AHCTF1: variants seen among roughly 807,000 people sequenced by gnomAD.
AHCTF1 encodes the protein protein ELYS.
AHCTF1 carries 24 observed loss-of-function variants against 248.4 expected under a neutral mutation model. That is an observed-to-expected ratio of 0.10 (90% CI 0.07 to 0.14). The LOEUF is 0.14. AHCTF1 is among the 10% of genes least tolerant of loss of function. The pLI is 1.00. For missense variants in AHCTF1, 2,206 were observed against 2,636.2 expected, an observed-to-expected ratio of 0.84 and a Z score of 3.57; for synonymous variants, 786 against 929.8, an observed-to-expected ratio of 0.85 and a Z score of 2.81.
chr1:246,872,102 TCTAA>T (rs1662639799), intron 24 of AHCTF1, among the ~76,000 whole-genome samples: 2 of 146,748 alleles, frequency 1.4e-5, no homozygotes, highest in African/African-American at 5.0e-5. Context: ...TAGGGTGGTC[TCTAA>T]CTAAATATGG....
intron 31 of AHCTF1, 122 bp from the exon 32 acceptor site, chr1:246,853,421 T>TG (rs1660867369): frequency 1.4e-6 from 1 of 728,674 alleles, no homozygotes; most frequent in Admixed American, 3.3e-5. Context: ...ACTATCACAA[T>TG]GCCAGAAAAG....
intron 19 of AHCTF1, among the ~76,000 whole-genome samples, 179 bp downstream of exon 19, chr1:246,887,998 T>A (rs1398342852): frequency 1.3e-5 from 2 of 152,216 alleles, no homozygotes; most frequent in African/African-American, 4.8e-5. Context: ...ATTTTTCATA[T>A]AGTTTTAGGT....
At chr1:246,923,372 G>A (rs1175776484) in intron 1 of AHCTF1, among the ~76,000 whole-genome samples, 1 of 151,684 alleles carries the variant, frequency 6.6e-6, no homozygotes, top group African/African-American at 2.4e-5. Flanking sequence ...CCAAAATTGT[G>A]CCACTGCACT....
chr1:246,928,298 G>A (rs983326206), intron 1 of AHCTF1, among the ~76,000 whole-genome samples: 11 of 105,948 alleles, frequency 1.0e-4, no homozygotes, highest in Admixed American at 2.2e-4. Context: ...GCGAGACTCC[G>A]TCTCAAAAAA....
At chr1:246,887,438 A>T in intron 19 of AHCTF1, 81 bp from the exon 20 acceptor site, 1 of 1,366,732 alleles carries the variant, frequency 7.3e-7, no homozygotes, top group Non-Finnish European at 1.0e-6. Context: ...TAGCAACAAA[A>T]TGTAGCATTA....
At position 246,850,395 on chromosome 1, in the gene AHCTF1, T is replaced by G. The variant is rs777864976; in HGVS notation, c.5611A>C (p.Thr1871Pro). Residue 1871 changes from threonine to proline, a missense_variant, in exon 33 of 36, where the codon ACT becomes CCT. By Grantham distance (38) the Thr-to-Pro change is conservative. Around this residue, in one of 6 missense-constraint regions of AHCTF1, gnomAD observed 469 missense variants for 470.0 expected, o/e 1.00. Transcript: ENST00000648844. Reference protein sequence around the residue: ...EVKVSSVTKRTPRRIKRSVEN... With the variant: ...EVKVSSVTKRPPRRIKRSVEN... Reference sequence around the variant, plus strand: ...ACAGATCTTTTAATTCTTCTAGGAGTCCTTTTTGTAACAGATGAAACCTTA... The same window carrying G: ...ACAGATCTTTTAATTCTTCTAGGAGGCCTTTTTGTAACAGATGAAACCTTA... 1 of 1,607,654 alleles carries G rather than the reference T, an allele frequency of 6.2e-7. No individual in the cohort carries two copies. Among genetic ancestry groups the G allele is most frequent in the Admixed American group, 1.7e-5 (1 of 58,286 alleles).
intron 24 of AHCTF1, 88 bp downstream of exon 24, chr1:246,875,949 A>G (rs1662928362): frequency 1.6e-6 from 2 of 1,274,302 alleles, no homozygotes; most frequent in Non-Finnish European, 2.1e-6. Flanking sequence ...TAGCGAAAGT[A>G]GCTAAATTTA....
At chr1:246,868,930 T>C (rs113957278) in intron 24 of AHCTF1, among the ~76,000 whole-genome samples, 2,028 of 150,064 alleles carry the variant, frequency 0.014, 31 homozygotes, top group African/African-American at 0.024. Flanking sequence ...CTGCAAGTTC[T>C]GCCTCCCGGG....
intron 32 of AHCTF1, among the ~76,000 whole-genome samples, chr1:246,852,330 G>A (rs1481688612): frequency 6.6e-6 from 1 of 151,912 alleles, no homozygotes; most frequent in Admixed American, 6.6e-5. Flanking sequence ...TATGAGTTAA[G>A]AAACTTCCCA....
chr1:246,885,361 C>T (rs762045595), intron 21 of AHCTF1, 132 bp downstream of exon 21: 27 of 680,368 alleles, frequency 4.0e-5, no homozygotes, highest in Non-Finnish European at 5.9e-5. Flanking sequence ...GAATTTGATG[C>T]AGAACCCACT....
Position 246,839,431 on chromosome 1 carries a change from A to G in AHCTF1, c.*1375T>C, listed in dbSNP as rs1038097214. On this transcript the variant is annotated 3_prime_UTR_variant, in exon 36 of 36. Transcript: ENST00000648844. Reference sequence around the variant, plus strand: ...AAATAAGTTCAATATTCCATAAATGACAAGCAGCTTAAATACAAGTTTGAT... The same window carrying G: ...AAATAAGTTCAATATTCCATAAATGGCAAGCAGCTTAAATACAAGTTTGAT... The G allele has an allele frequency of 5.2e-5, 24 of 457,540 alleles. No homozygotes were observed. In the Admixed American group the frequency reaches 6.4e-4, roughly 12 times the overall value. 28.3% of individuals were successfully genotyped at this position (457,540 alleles called of 1,614,324 possible). A position where few individuals can be genotyped will look rare whatever the true frequency, so the allele number is the denominator to read the frequency against.
At chr1:246,896,043 G>A (rs2103154814) in intron 12 of AHCTF1, 118 bp from the exon 13 acceptor site, 1 of 694,682 alleles carries the variant, frequency 1.4e-6, no homozygotes, top group South Asian at 1.9e-5. Context: ...TGACCCATAA[G>A]AAGGGCTATA....
chr1:246,891,148 A>G, intron 15 of AHCTF1, 88 bp from the exon 16 acceptor site: 1 of 721,342 alleles, frequency 1.4e-6, no homozygotes, highest in South Asian at 2.3e-5. Context: ...GGTAATTTAC[A>G]TAATTTGTAA....
intron 17 of AHCTF1, 99 bp from the exon 18 acceptor site, chr1:246,888,616 AAG>A: frequency 1.5e-6 from 2 of 1,378,192 alleles, no homozygotes; most frequent in Non-Finnish European, 2.0e-6. Context: ...CCAACTATCA[AAG>A]AGAGAAGAGG....
At chr1:246,927,931 C>A (rs551975307) in intron 1 of AHCTF1, among the ~76,000 whole-genome samples, 1 of 152,124 alleles carries the variant, frequency 6.6e-6, no homozygotes, top group South Asian at 2.1e-4. Flanking sequence ...ACCTGGGAGG[C>A]AGAGGTTGCA....
At chr1:246,904,561 G>C (rs1333874766) in intron 6 of AHCTF1, among the ~76,000 whole-genome samples, 2 of 152,124 alleles carry the variant, frequency 1.3e-5, no homozygotes, top group Non-Finnish European at 2.9e-5. Context: ...AGGACAATGG[G>C]GAGTATGGGA....
chr1:246,853,556 C>T (rs1175930188), intron 31 of AHCTF1, among the ~76,000 whole-genome samples: 2 of 152,202 alleles, frequency 1.3e-5, no homozygotes, highest in Admixed American at 1.3e-4. Flanking sequence ...CCAACTGCTT[C>T]AAGGAAGTTC....
chr1:246,919,984 C>A (rs548351031), intron 1 of AHCTF1, among the ~76,000 whole-genome samples: 2 of 150,528 alleles, frequency 1.3e-5, no homozygotes, highest in South Asian at 2.1e-4. Context: ...ACTAAAAATA[C>A]AAAAATAAAT....
intron 25 of AHCTF1, 139 bp from the exon 26 acceptor site, chr1:246,867,490 CTTTTAAAGGT>C: frequency 9.4e-7 from 1 of 1,061,120 alleles, no homozygotes. Context: ...GAACATTTCA[CTTTTAAAGGT>C]TTTTAAAAAT....
Sources: allele counts gnomAD v4.1 joint callset (sites outside exome capture counted in the v4.1 genomes callset), GRCh38; gene constraint gnomAD v4.1.1; regional missense constraint gnomAD v4.1.1; transcripts MANE v1.5; gene names NCBI Gene and HGNC (gene_info 2026-07-23, HGNC 2026-07-21).